The following FMN2 variants were observed in gnomAD, a reference collection of about 807,000 sequenced individuals.
FMN2 encodes formin-2.
A neutral mutation model predicts 142.3 loss-of-function variants in FMN2; 51 were observed. That is an observed-to-expected ratio of 0.36 (90% CI 0.29 to 0.45). The LOEUF is 0.45. FMN2 is among the 20% of genes least tolerant of loss of function. FMN2 has a pLI of 1.00. For synonymous variants in FMN2, 882 were observed against 869.8 expected (o/e 1.01, Z -0.25); for missense variants, 1,936 against 2,122.8 (o/e 0.91, Z 1.73).
rs573692925 is a variant in FMN2 at position 240,222,684 on chromosome 1, G to A, written c.4065+11449G>A. ...TTGTTTCCTTGAGCAGTGGTTTGCA[G>A]TTCTCCTTGAAGAGGTTCTTCACAT... On this transcript the variant is annotated intron_variant, in intron 6 of 17. Coordinates refer to ENST00000319653, the MANE Select transcript of FMN2 (RefSeq NM_020066.5). Among the ~76,000 whole-genome samples, 4 of 152,178 alleles carry A rather than the reference G, an allele frequency of 2.6e-5. No homozygotes were observed. The East Asian group carries it at 7.7e-4, about 29-fold the overall frequency.
rs1206985513 is a variant in FMN2, at chr1:240,473,328, C to T, written c.5143-800C>T. On this transcript the variant is annotated intron_variant, in intron 17 of 17. Coordinates refer to ENST00000319653, the MANE Select transcript of FMN2 (RefSeq NM_020066.5). The surrounding 1 kb of genome is among the most constrained non-coding windows in gnomAD (Gnocchi z 4.3). Reference sequence around the variant, plus strand: ...AAAACAAAATGCCAGGTTATCCACCCTGGGAGGGAAGGGCTTGGTTAAAAT... The same window carrying T: ...AAAACAAAATGCCAGGTTATCCACCTTGGGAGGGAAGGGCTTGGTTAAAAT... Among the ~76,000 whole-genome samples, 1 of 152,130 alleles carries T rather than the reference C, an allele frequency of 6.6e-6. No homozygotes were observed. Among genetic ancestry groups the T allele is most frequent in the Non-Finnish European group, 1.5e-5 (1 of 68,016 alleles).
At chr1:240,105,641 G>A (rs1446575727) in intron 1 of FMN2, among the ~76,000 whole-genome samples, 1 of 152,054 alleles carries the variant, frequency 6.6e-6, no homozygotes, top group East Asian at 1.9e-4. Flanking sequence ...TTCCTTTGCT[G>A]AACTATTTCC....
chr1:240,411,716 T>C (rs888822149), intron 15 of FMN2, among the ~76,000 whole-genome samples: 15 of 152,144 alleles, frequency 9.9e-5, no homozygotes, highest in Non-Finnish European at 2.2e-4. Context: ...TGTGTGCCTT[T>C]TTGTTTACTC....
intron 7 of FMN2, among the ~76,000 whole-genome samples, chr1:240,262,525 A>T (rs1473446811): frequency 6.6e-6 from 1 of 152,118 alleles, no homozygotes; most frequent in Non-Finnish European, 1.5e-5. Flanking sequence ...AATTGATTAA[A>T]TATTTTATAC....
At chr1:240,454,351 G>A (rs550976876) in intron 16 of FMN2, among the ~76,000 whole-genome samples, 4 of 151,920 alleles carry the variant, frequency 2.6e-5, no homozygotes, top group African/African-American at 9.7e-5. Context: ...AGACCAGCCT[G>A]GCCAACATGG....
intron 14 of FMN2, among the ~76,000 whole-genome samples, chr1:240,365,447 A>G (rs1013907194): frequency 2.6e-5 from 4 of 152,208 alleles, no homozygotes; most frequent in Non-Finnish European, 5.9e-5. Flanking sequence ...TATTTTCTAT[A>G]TAGAGATAAC....
At chr1:240,173,643 T>G (rs555674989) in intron 2 of FMN2, among the ~76,000 whole-genome samples, 1 of 152,128 alleles carries the variant, frequency 6.6e-6, no homozygotes, top group Non-Finnish European at 1.5e-5. Flanking sequence ...TGAAATGATA[T>G]TTAAGTTGAA....
chr1:240,130,879 TC>T (rs915131178), intron 2 of FMN2, among the ~76,000 whole-genome samples: 1 of 152,088 alleles, frequency 6.6e-6, no homozygotes, highest in African/African-American at 2.4e-5. Flanking sequence ...AATTATGACT[TC>T]CGCTTGTACT....
intron 14 of FMN2, among the ~76,000 whole-genome samples, chr1:240,388,412 G>A (rs1248833072): frequency 6.6e-6 from 1 of 152,064 alleles, no homozygotes; most frequent in African/African-American, 2.4e-5. Flanking sequence ...TAAAGCTCAT[G>A]TTCTAGCTCC....
At chr1:240,151,794 T>C (rs549803201) in intron 2 of FMN2, among the ~76,000 whole-genome samples, 1 of 152,002 alleles carries the variant, frequency 6.6e-6, no homozygotes, top group Admixed American at 6.6e-5. Flanking sequence ...TGAGATAGGG[T>C]CTTGCTCTGT....
Position 240,294,815 on chromosome 1 carries a change from T to C in FMN2, c.4154-7T>C, listed in dbSNP as rs922670089. On this transcript the variant is annotated splice_region_variant and splice_polypyrimidine_tract_variant and intron_variant, in intron 7 of 17. Coordinates refer to ENST00000319653, the MANE Select transcript of FMN2 (RefSeq NM_020066.5). The stretch of plus-strand genomic sequence containing the variant: ...TGGCAATTTATATTCTTCTTTTTTT[T>C]CCACAGCTGTTGTGAACTTGGATAA... The C allele has an allele frequency of 1.1e-5, 18 of 1,613,788 alleles. No homozygotes were observed. Among genetic ancestry groups the C allele is most frequent in the Admixed American group, 6.7e-5 (4 of 59,998 alleles).
chr1:240,351,536 G>T (rs1347040077), intron 13 of FMN2, among the ~76,000 whole-genome samples: 1 of 152,154 alleles, frequency 6.6e-6, no homozygotes, highest in East Asian at 1.9e-4. Flanking sequence ...AATAGTTTTT[G>T]CATGCATTGA....
chr1:240,410,431 G>A (rs763443398), intron 15 of FMN2, among the ~76,000 whole-genome samples: 2 of 152,022 alleles, frequency 1.3e-5, no homozygotes, highest in East Asian at 3.9e-4. Flanking sequence ...AAATCCATAG[G>A]GGCAAACTCA....
intron 16 of FMN2, among the ~76,000 whole-genome samples, chr1:240,445,940 G>A (rs1019942581): frequency 6.6e-6 from 1 of 152,116 alleles, no homozygotes; most frequent in African/African-American, 2.4e-5. Context: ...ACATAGATTT[G>A]CTGTTCACAG....
At chr1:240,435,605 T>C (rs1205588794) in intron 15 of FMN2, among the ~76,000 whole-genome samples, 1 of 152,196 alleles carries the variant, frequency 6.6e-6, no homozygotes, top group East Asian at 1.9e-4. Context: ...GGCAATTCAT[T>C]TTTACCCATT....
At chr1:240,423,789 A>C (rs1240564999) in intron 15 of FMN2, among the ~76,000 whole-genome samples, 1 of 152,172 alleles carries the variant, frequency 6.6e-6, no homozygotes, top group Admixed American at 6.5e-5. Context: ...CTTCATGTCT[A>C]CCCTTCAACA....
At chr1:240,252,640 G>C (rs919970543) in intron 6 of FMN2, among the ~76,000 whole-genome samples, 6 of 151,418 alleles carry the variant, frequency 4.0e-5, no homozygotes, top group Admixed American at 6.6e-5. Flanking sequence ...TCTGACGGGG[G>C]GGGTGGTTCT....
At chr1:240,407,201 G>C (rs1246746278) in intron 15 of FMN2, among the ~76,000 whole-genome samples, 18 of 151,326 alleles carry the variant, frequency 1.2e-4, no homozygotes, top group Non-Finnish European at 8.8e-5. Flanking sequence ...TCAGTGGTGC[G>C]ATCTCGGCTT....
intron 4 of FMN2, among the ~76,000 whole-genome samples, chr1:240,195,888 G>A (rs1412904154): frequency 2.0e-5 from 3 of 151,978 alleles, no homozygotes; most frequent in African/African-American, 7.3e-5. Context: ...GGCCATGGTG[G>A]CATGAGCTAC....
Sources: allele counts gnomAD v4.1 joint callset (sites outside exome capture counted in the v4.1 genomes callset), GRCh38; gene constraint gnomAD v4.1.1; non-coding constraint Gnocchi (gnomAD v3.1); transcripts MANE v1.5; gene names NCBI Gene and HGNC (gene_info 2026-07-23, HGNC 2026-07-21).